The following KMT2B variants were observed in gnomAD, a reference collection of about 807,000 sequenced individuals.
KMT2B encodes histone-lysine N-methyltransferase 2B.
KMT2B carries 22 observed loss-of-function variants against 255.3 expected under a neutral mutation model. The ratio of observed to expected loss-of-function variants is 0.09; its 90% CI spans 0.06 to 0.12. The LOEUF (loss-of-function observed/expected upper bound fraction) is 0.12. Among genes scored for constraint, KMT2B ranks in the 10% least tolerant of loss-of-function variants. The pLI, the probability that KMT2B is intolerant of heterozygous loss-of-function variation, is 1.00. For missense variants in KMT2B, 3,149 were observed against 3,737.0 expected, an observed-to-expected ratio of 0.84 and a Z score of 4.10; for synonymous variants, 1,730 against 1,498.1, an observed-to-expected ratio of 1.15 and a Z score of -3.57.
Position 35,727,554 on chromosome 19 carries a change from G to A in KMT2B, c.4234G>A (p.Gly1412Ser). 1 of 1,606,774 alleles carries A rather than the reference G, an allele frequency of 6.2e-7. No individual in the cohort carries two copies. Among genetic ancestry groups the A allele is most frequent in the Non-Finnish European group, 8.5e-7 (1 of 1,178,510 alleles). Residue 1412 changes from glycine (G) to serine (S), a missense_variant, in exon 16 of 37, where the codon GGC becomes AGC. Coordinates refer to ENST00000420124, the MANE Select transcript of KMT2B (RefSeq NM_014727.3). The surrounding 1 kb of genome is among the most constrained non-coding windows in gnomAD (Gnocchi z 4.2). Reference sequence around the variant, plus strand: ...GGCCCTGAGCGGGGCCCTCCAGGGGGGCCTGCGCCAGGTGCTCCAGGGCCT... The same window carrying A: ...GGCCCTGAGCGGGGCCCTCCAGGGGAGCCTGCGCCAGGTGCTCCAGGGCCT... ...REALSGALQG[G>S]LRQVLQGLLS... is the part of the protein sequence containing the mutation.
chr19:35,719,759 C>G, intron 2 of KMT2B, 25 bp from the exon 3 acceptor site: 2 of 1,553,530 alleles, frequency 1.3e-6, no homozygotes, highest in Non-Finnish European at 8.7e-7. Context: ...CTTGATCCAT[C>G]TCCCCACAAC....
rs760502773 is a variant in KMT2B, at chr19:35,728,807, C to A, written c.4605C>A (p.Ser1535=). 6.2e-7 allele frequency: 1 copy of A among 1,613,904 alleles called. No individual in the cohort carries two copies. The highest frequency in any genetic ancestry group is 8.5e-7 in the Non-Finnish European group (1 of 1,179,856). The stretch of plus-strand genomic sequence containing the variant: ...TTCCCAATGCGGTGTTGCCCCCATC[C>A]CTGGATCATGTCTATGCGCAGTGGA... The part of the protein sequence containing the change: ...GVLPNAVLPP[S]LDHVYAQWRQ... Residue 1535 remains serine, a synonymous_variant, in exon 20 of 37, where the codon TCC becomes TCA. Coordinates refer to ENST00000420124, the MANE Select transcript of KMT2B (RefSeq NM_014727.3).
chr19:35,731,817 C>T (rs1599692373), intron 26 of KMT2B, 91 bp from the exon 27 acceptor site: 3 of 990,454 alleles, frequency 3.0e-6, no homozygotes, highest in South Asian at 1.4e-5. Context: ...GGGTCGGGGA[C>T]CTGGGAGGCA....
chr19:35,728,210 G>A (rs1448956361), intron 19 of KMT2B, 39 bp downstream of exon 19: 14 of 1,545,020 alleles, frequency 9.1e-6, no homozygotes, highest in Admixed American at 1.9e-5. Context: ...GCCGGGGAGT[G>A]AGGGCAAGGC....
rs778813666 is a variant in KMT2B at position 35,730,002 on chromosome 19, G to T, written c.4953G>T (p.Val1651=). The T allele has an allele frequency of 6.2e-7, 1 of 1,613,506 alleles. No homozygotes were observed. The highest frequency in any genetic ancestry group is 1.3e-5 in the African/African-American group (1 of 74,940). The change falls in exon 23 of 37, where the codon GTG becomes GTT. Residue 1651 remains valine (V), a synonymous_variant. Transcript: ENST00000420124. ...TCTGCCTGAAGCCTGGCGCCACGGT[G>T]GGCTGCTGCCTGTCCTCCTGCCTCA... The part of the protein sequence containing the change: ...CELCLKPGAT[V]GCCLSSCLSN...
chr19:35,726,187 G>A (rs766074670), intron 13 of KMT2B, 49 bp from the exon 14 acceptor site: 19 of 1,406,964 alleles, frequency 1.4e-5, no homozygotes, highest in Non-Finnish European at 1.5e-5. Context: ...CGCTCATGTT[G>A]CTCCAGTCCA....
chr19:35,726,510 C>T (rs1244675264), intron 14 of KMT2B, among the ~76,000 whole-genome samples, 157 bp downstream of exon 14: 1 of 152,168 alleles, frequency 6.6e-6, no homozygotes, highest in Non-Finnish European at 1.5e-5. Context: ...AGGAGTCCAT[C>T]CAGTATGTAA....
Position 35,738,827 on chromosome 19 carries a change from G to A in KMT2B, c.*270G>A. The A allele has an allele frequency of 2.0e-6, 1 of 511,882 alleles. No homozygotes were observed. Among genetic ancestry groups the A allele is most frequent in the African/African-American group, 1.9e-5 (1 of 52,210 alleles). 31.7% of individuals were successfully genotyped at this position (511,882 alleles called of 1,614,324 possible). A position where few individuals can be genotyped will look rare whatever the true frequency, so the allele number is the denominator to read the frequency against. ...TTTCTATGCACTTTTTTATTTAAGA[G>A]GTGGGGTCCCAGGTGGGAACCCCCC... is the stretch of plus-strand genomic sequence containing the variant. On this transcript the variant is annotated 3_prime_UTR_variant, in exon 37 of 37. Transcript: ENST00000420124. The surrounding 1 kb of genome is among the most constrained non-coding windows in gnomAD (Gnocchi z 8.7).
Position 35,720,909 on chromosome 19 carries a change from T to C in KMT2B, c.1562T>C (p.Leu521Pro). The change falls in exon 3 of 37, where the codon CTG becomes CCG. Residue 521 changes from leucine (L) to proline (P), a missense_variant. Physicochemically the swap from Leu to Pro is moderately conservative, Grantham distance 98 (BLOSUM62 -3). Transcript: ENST00000420124. ...PTVAPKSTTF[L>P]KNIRQFIMPV... The stretch of plus-strand genomic sequence containing the variant: ...GTGGCCCCCAAAAGCACCACCTTCC[T>C]GAAGAATATCCGGCAGTTTATTATG... The C allele has an allele frequency of 6.2e-7, 1 of 1,608,778 alleles. No individual in the cohort carries two copies. The highest frequency in any genetic ancestry group is 8.5e-7 in the Non-Finnish European group (1 of 1,178,094).
At position 35,721,467 on chromosome 19, in the gene KMT2B, T is replaced by A; in HGVS notation, c.2120T>A (p.Phe707Tyr). 1 of 1,612,672 alleles carries A rather than the reference T, an allele frequency of 6.2e-7. No homozygotes were observed. The highest frequency in any genetic ancestry group is 8.5e-7 in the Non-Finnish European group (1 of 1,179,814). Residue 707 changes from phenylalanine (F) to tyrosine (Y), a missense_variant, in exon 3 of 37, where the codon TTC becomes TAC. This residue lies in a region of KMT2B where 1,188 missense variants were observed against 1,106.4 expected (regional missense o/e 1.07). Coordinates refer to ENST00000420124, the MANE Select transcript of KMT2B (RefSeq NM_014727.3). ...ACCAACCACCTCAGCCTGCCTCGAT[T>A]CGCCCCTGTGGTCACCACTCCTGTT... ...GRTNHLSLPR[F>Y]APVVTTPVKA...
In KMT2B at chr19:35,736,732, A is replaced by G; in HGVS notation, c.7202A>G (p.Asp2401Gly). 1 of 1,613,940 alleles carries G rather than the reference A, an allele frequency of 6.2e-7. No individual in the cohort carries two copies. Among genetic ancestry groups the G allele is most frequent in the South Asian group, 1.1e-5 (1 of 91,090 alleles). The change falls in exon 31 of 37, where the codon GAT (aspartate) becomes GGT (glycine). Residue 2401 changes from aspartate to glycine, a missense_variant. Around this residue, in one of 18 missense-constraint regions of KMT2B, gnomAD observed 897 missense variants for 825.3 expected, o/e 1.09. Coordinates refer to ENST00000420124, the MANE Select transcript of KMT2B (RefSeq NM_014727.3). Reference sequence around the variant, plus strand: ...GAGGAAGAGCCTCCATCCCCAGATGATAAAGAGAACCAGGCCCCAAAACGG... The same window carrying G: ...GAGGAAGAGCCTCCATCCCCAGATGGTAAAGAGAACCAGGCCCCAAAACGG... The part of the protein sequence containing the change: ...SSEEEPPSPD[D>G]KENQAPKRTG...
chr19:35,724,802 C>A, intron 9 of KMT2B, 71 bp downstream of exon 9: 4 of 1,364,346 alleles, frequency 2.9e-6, no homozygotes, highest in South Asian at 1.2e-5. Flanking sequence ...ACAGACACAC[C>A]TGAGTGTCGT....
At position 35,733,298 on chromosome 19, in the gene KMT2B, G is replaced by GCCCTGCCCCCCCCCCCCCCCCCCCCC; in HGVS notation, c.6758_6759insCCCCCCCCCCCCCCCCCCCCTGCCCC (p.Thr2261ProfsTer9). ...GTGCTGCCCGTGGTCGGAGTGGTCC[G>GCCCTGCCCCCCCCCCCCCCCCCCCCC]CCCTGCCCCGCCCCCGCCACCCCCT... On this transcript the variant is annotated frameshift_variant, in exon 28 of 37. Transcript: ENST00000420124. LOFTEE classifies it high-confidence loss of function. This position sits in a 1 kb window ranked among gnomAD's most constrained non-coding sequence, Gnocchi z 4.3. 1 of 1,393,970 alleles carries GCCCTGCCCCCCCCCCCCCCCCCCCCC rather than the reference G, an allele frequency of 7.2e-7. No homozygotes were observed. The highest frequency in any genetic ancestry group is 9.9e-7 in the Non-Finnish European group (1 of 1,010,226). 86.4% of individuals were successfully genotyped at this position (1,393,970 alleles called of 1,614,324 possible). A position where few individuals can be genotyped will look rare whatever the true frequency, so the allele number is the denominator to read the frequency against.
Position 35,720,577 on chromosome 19 carries a change from C to T in KMT2B, c.1230C>T (p.Ala410=). The change falls in exon 3 of 37, where the codon GCC becomes GCT. Residue 410 remains alanine, a synonymous_variant. Coordinates refer to ENST00000420124, the MANE Select transcript of KMT2B (RefSeq NM_014727.3). The part of the protein sequence containing the change: ...KLPPPPLTPP[A]PSPPPPLPPP... ...CACCACCGCCTCTGACTCCTCCAGC[C>T]CCTTCACCTCCTCCACCCCTCCCAC... is the stretch of plus-strand genomic sequence containing the variant. 1 of 1,534,362 alleles carries T rather than the reference C, an allele frequency of 6.5e-7. No individual in the cohort carries two copies. The highest frequency in any genetic ancestry group is 8.8e-7 in the Non-Finnish European group (1 of 1,139,010).
At chr19:35,726,523 C>T (rs1188452254) in intron 14 of KMT2B, among the ~76,000 whole-genome samples, 170 bp downstream of exon 14, 1 of 152,142 alleles carries the variant, frequency 6.6e-6, no homozygotes, top group Non-Finnish European at 1.5e-5. Flanking sequence ...GTATGTAAAA[C>T]AGGGACACAT....
chr19:35,738,694 G>A lies in KMT2B; in HGVS notation c.*137G>A, dbSNP rs1008551872. ...TGTTCAGGGTGGATGTGGGCATGCA[G>A]GTGACAAGGGCCCTGCCTCCACCCC... On this transcript the variant is annotated 3_prime_UTR_variant, in exon 37 of 37. Transcript: ENST00000420124. The surrounding 1 kb of genome is among the most constrained non-coding windows in gnomAD (Gnocchi z 8.7). 2.0e-6 allele frequency: 2 copies of A among 975,748 alleles called. No homozygotes were observed. Among genetic ancestry groups the A allele is most frequent in the African/African-American group, 3.3e-5 (2 of 61,010 alleles). The allele number at this position is 975,748 out of a possible 1,614,324, so 60.4% of individuals were successfully genotyped here.
At position 35,733,995 on chromosome 19, in the gene KMT2B, G is replaced by A. The variant is rs957996853; in HGVS notation, c.7159+123G>A. ...CTCCCAGGGGCCAAGCCTGAGGCTC[G>A]GTGCTAGAGTTAGAGATGACCTTGG... is the stretch of plus-strand genomic sequence containing the variant. On this transcript the variant is annotated intron_variant, in intron 30 of 36. Transcript: ENST00000420124. This position sits in a 1 kb window ranked among gnomAD's most constrained non-coding sequence, Gnocchi z 4.3. The A allele has an allele frequency of 2.2e-5, 15 of 667,836 alleles. No individual in the cohort carries two copies. The highest frequency in any genetic ancestry group is 3.8e-5 in the South Asian group (2 of 52,676). 41.4% of individuals were successfully genotyped at this position (667,836 alleles called of 1,614,324 possible).
chr19:35,723,529 C>T lies in KMT2B; in HGVS notation c.3058+27C>T, dbSNP rs917944230. ...TGACGAGCTTTAAGGAGCATTTCTT[C>T]TCAAAACCGTGTTAGAGTTTGTGCT... On this transcript the variant is annotated intron_variant, in intron 7 of 36. Transcript: ENST00000420124. The surrounding 1 kb of genome is among the most constrained non-coding windows in gnomAD (Gnocchi z 7.5). 7 of 1,550,968 alleles carry T rather than the reference C, an allele frequency of 4.5e-6. No homozygotes were observed. The African/African-American group carries it at 8.2e-5, about 18-fold the overall frequency.
Position 35,719,453 on chromosome 19 carries a change from C to T in KMT2B, c.364-16C>T, listed in dbSNP as rs138399600. On this transcript the variant is annotated splice_polypyrimidine_tract_variant and intron_variant, in intron 1 of 36. Coordinates refer to ENST00000420124, the MANE Select transcript of KMT2B (RefSeq NM_014727.3). ...TGACTGCTGTTTCTCCCCTCCACCCCGGTCCCCTAAATCAGGAGTTTCAGG... is the reference window on the plus strand; with the variant it reads ...TGACTGCTGTTTCTCCCCTCCACCCTGGTCCCCTAAATCAGGAGTTTCAGG... 2.6e-3 allele frequency: 4,041 copies of T among 1,565,752 alleles called. 148 individuals are homozygous for T. In the Admixed American group the frequency reaches 0.068, roughly 26 times the overall value.
Sources: gnomAD v4.1 joint callset for allele counts (sites outside exome capture counted in the v4.1 genomes callset) on GRCh38, gnomAD v4.1.1 for gene constraint, gnomAD v4.1.1 regional missense constraint, Gnocchi (gnomAD v3.1) non-coding constraint, MANE v1.5 for transcripts, NCBI Gene and HGNC (gene_info 2026-07-23, HGNC 2026-07-21) for gene names.